The following ITPR2 variants were observed in gnomAD, a reference collection of about 807,000 sequenced individuals.
ITPR2 encodes inositol 1,4,5-trisphosphate-gated calcium channel ITPR2.
Under a neutral mutation model 317.1 loss-of-function variants are expected in ITPR2, and 207 were observed. That is an observed-to-expected ratio of 0.65 (90% CI 0.58 to 0.73). The LOEUF is 0.73. Among genes scored for constraint, ITPR2 ranks in the 30% least tolerant of loss-of-function variants. ITPR2 has a pLI of 0.00. For synonymous variants in ITPR2, 1,156 were observed against 1,149.1 expected (o/e 1.01, Z -0.12); for missense variants, 2,613 against 3,284.0 (o/e 0.80, Z 4.99).
At chr12:26,751,552 A>C (rs1300684507) in intron 2 of ITPR2, among the ~76,000 whole-genome samples, 1 of 152,124 alleles carries the variant, frequency 6.6e-6, no homozygotes, top group Non-Finnish European at 1.5e-5. Flanking sequence ...CTGTGCTTGA[A>C]ATATCAAAAA....
At chr12:26,778,820 C>A (rs74609850) in intron 2 of ITPR2, among the ~76,000 whole-genome samples, 328 of 152,246 alleles carry the variant, frequency 2.2e-3, no homozygotes, top group Non-Finnish European at 2.7e-3. Context: ...AGTTCAGGGA[C>A]CTTCTACCTC....
chr12:26,803,977 T>G (rs1950601143), intron 1 of ITPR2, among the ~76,000 whole-genome samples: 1 of 152,060 alleles, frequency 6.6e-6, no homozygotes. Flanking sequence ...GGTAACAAAA[T>G]ATCACATGTA....
chr12:26,396,483 AGGC>A (rs1198147051), intron 54 of ITPR2, among the ~76,000 whole-genome samples: 5 of 152,060 alleles, frequency 3.3e-5, no homozygotes, highest in Admixed American at 2.6e-4. Flanking sequence ...TCTCTTCCAC[AGGC>A]CACCCCTTCC....
rs145404645 is a variant in ITPR2 at position 26,636,109 on chromosome 12, G to C, written c.2741-4050C>G. Among the ~76,000 whole-genome samples, 222 of 152,288 alleles carry C rather than the reference G, an allele frequency of 1.5e-3. 3 individuals carry two copies. Among genetic ancestry groups the C allele is most frequent in the African/African-American group, 5.1e-3 (213 of 41,558 alleles). ...TACATGCATGGTTTTTATTCCATGTGCCGAACCTACAGGGAACTTGCTATA... is the reference window on the plus strand; with the variant it reads ...TACATGCATGGTTTTTATTCCATGTCCCGAACCTACAGGGAACTTGCTATA... On this transcript the variant is annotated intron_variant, in intron 21 of 56. Coordinates refer to ENST00000381340, the MANE Select transcript of ITPR2 (RefSeq NM_002223.4).
chr12:26,556,566 T>G (rs11048577), intron 35 of ITPR2, among the ~76,000 whole-genome samples, 191 bp from the exon 36 acceptor site: 51,843 of 136,410 alleles, frequency 0.38, 9,575 homozygotes, highest in Middle Eastern at 0.44. Context: ...ATTTTTTTTT[T>G]TGTGTGTGTG....
intron 21 of ITPR2, among the ~76,000 whole-genome samples, chr12:26,651,939 C>T (rs1328828151): frequency 1.3e-5 from 2 of 152,140 alleles, no homozygotes; most frequent in Non-Finnish European, 2.9e-5. Flanking sequence ...CGAAGGGGTG[C>T]CCTTCCCTTA....
At chr12:26,720,927 A>G (rs1327654213) in intron 5 of ITPR2, among the ~76,000 whole-genome samples, 1 of 152,216 alleles carries the variant, frequency 6.6e-6, no homozygotes, top group South Asian at 2.1e-4. Context: ...AATTCATTCA[A>G]TTATTTCATC....
intron 37 of ITPR2, among the ~76,000 whole-genome samples, chr12:26,514,789 AT>A (rs74688745): frequency 0.15 from 22,103 of 152,222 alleles, 2,268 homozygotes; most frequent in Non-Finnish European, 0.23. Flanking sequence ...ATAATAAAAA[AT>A]AAATAAGATT....
At chr12:26,775,717 T>C (rs1949948312) in intron 2 of ITPR2, among the ~76,000 whole-genome samples, 1 of 151,918 alleles carries the variant, frequency 6.6e-6, no homozygotes, top group African/African-American at 2.4e-5. Context: ...ACAGCTAGAA[T>C]ATAAAGCAAG....
At chr12:26,617,400 T>C (rs1201052804) in intron 26 of ITPR2, among the ~76,000 whole-genome samples, 1 of 152,120 alleles carries the variant, frequency 6.6e-6, no homozygotes, top group Non-Finnish European at 1.5e-5. Flanking sequence ...TTTATAACCA[T>C]TAAAAAATTG....
intron 9 of ITPR2, among the ~76,000 whole-genome samples, chr12:26,705,644 G>T (rs1276722605): frequency 6.6e-6 from 1 of 152,128 alleles, no homozygotes; most frequent in Non-Finnish European, 1.5e-5. Context: ...AAATTTGAAT[G>T]GATTATTTCC....
chr12:26,344,335 T>G (rs1316654794), intron 55 of ITPR2, among the ~76,000 whole-genome samples: 1 of 152,094 alleles, frequency 6.6e-6, no homozygotes, highest in South Asian at 2.1e-4. Flanking sequence ...AGAGGGGTTG[T>G]TGGGGCAGGG....
chr12:26,790,354 A>C, intron 1 of ITPR2, 127 bp from the exon 2 acceptor site: 1 of 688,950 alleles, frequency 1.5e-6, no homozygotes, highest in East Asian at 2.7e-5. Context: ...TAACTTTTTA[A>C]CAATCATGGG....
Sources: gnomAD v4.1 joint callset for allele counts (sites outside exome capture counted in the v4.1 genomes callset) on GRCh38, gnomAD v4.1.1 for gene constraint, MANE v1.5 for transcripts, NCBI Gene and HGNC (gene_info 2026-07-23, HGNC 2026-07-21) for gene names.